The following EPHA6 variants were observed in gnomAD, a reference collection of about 807,000 sequenced individuals.
The protein encoded by EPHA6 is EPH receptor A6.
A neutral mutation model predicts 112.0 loss-of-function variants in EPHA6; 50 were observed. The ratio of observed to expected loss-of-function variants is 0.45; its 90% CI spans 0.36 to 0.56. The LOEUF is 0.56. EPHA6 is among the 20% of genes least tolerant of loss of function. The probability of loss-of-function intolerance (pLI) is 0.00; values close to 1 mark genes in which losing one functional copy is unlikely to be tolerated. For missense variants in EPHA6, 1,280 were observed against 1,417.4 expected (o/e 0.90, Z 1.56); for synonymous variants, 529 against 490.7 (o/e 1.08, Z -1.03).
intron 14 of EPHA6, among the ~76,000 whole-genome samples, chr3:97,683,545 T>A (rs1340419738): frequency 6.6e-6 from 1 of 152,136 alleles, no homozygotes; most frequent in Non-Finnish European, 1.5e-5. Context: ...AACCTTACAA[T>A]TTTACAGAGA....
At chr3:96,836,268 G>C (rs899771206) in intron 1 of EPHA6, among the ~76,000 whole-genome samples, 1 of 151,970 alleles carries the variant, frequency 6.6e-6, no homozygotes, top group Non-Finnish European at 1.5e-5. Context: ...TTGCTACCAT[G>C]GGGAAACATA....
At chr3:97,644,690 G>C (rs2094041839) in intron 14 of EPHA6, among the ~76,000 whole-genome samples, 1 of 150,154 alleles carries the variant, frequency 6.7e-6, no homozygotes, top group Admixed American at 6.6e-5. Context: ...AAATCTAGAA[G>C]AAATGGATAA....
At chr3:97,521,612 T>A (rs2092544374) in intron 10 of EPHA6, among the ~76,000 whole-genome samples, 1 of 152,170 alleles carries the variant, frequency 6.6e-6, no homozygotes, top group African/African-American at 2.4e-5. Context: ...CCCCCATTAT[T>A]CAATTACCTC....
chr3:97,301,933 G>C (rs950142152), intron 5 of EPHA6, among the ~76,000 whole-genome samples: 10 of 152,056 alleles, frequency 6.6e-5, no homozygotes, highest in Non-Finnish European at 1.2e-4. Context: ...ACCTAGCAGA[G>C]AAAGGGCTTA....
chr3:97,344,542 G>A (rs2083448497), intron 5 of EPHA6, among the ~76,000 whole-genome samples: 1 of 152,098 alleles, frequency 6.6e-6, no homozygotes, highest in Non-Finnish European at 1.5e-5. Flanking sequence ...AAACCAGGAA[G>A]AGCATTCTTA....
chr3:97,682,722 G>GTATA (rs2031958535), intron 14 of EPHA6, among the ~76,000 whole-genome samples: 3 of 152,180 alleles, frequency 2.0e-5, no homozygotes, highest in Middle Eastern at 3.2e-3. Flanking sequence ...ACCGTGCACA[G>GTATA]TATATATGTC....
intron 14 of EPHA6, among the ~76,000 whole-genome samples, chr3:97,653,945 T>C (rs1270586161): frequency 2.0e-5 from 3 of 151,898 alleles, no homozygotes; most frequent in African/African-American, 4.8e-5. Flanking sequence ...AATAGTCTCA[T>C]AGAAGCAGAG....
chr3:97,018,255 G>C (rs2044332718), intron 3 of EPHA6, among the ~76,000 whole-genome samples: 1 of 151,860 alleles, frequency 6.6e-6, no homozygotes, highest in African/African-American at 2.4e-5. Flanking sequence ...CGCTTTATGT[G>C]TAGGGACCAG....
chr3:97,735,990 C>G lies in EPHA6; in HGVS notation c.3000C>G (p.His1000Gln), dbSNP rs761026433. 6.2e-7 allele frequency: 1 copy of G among 1,612,508 alleles called. No individual in the cohort carries two copies. The highest frequency in any genetic ancestry group is 8.5e-7 in the Non-Finnish European group (1 of 1,179,136). ...CCATGGGCTGTCCAGCATCTCTACA[C>G]CAGCTGATGCTCCACTGCTGGCAGA... ...PAPMGCPASL[H>Q]QLMLHCWQKE... is the part of the protein sequence containing the mutation. Residue 1000 changes from histidine (H) to glutamine (Q), a missense_variant, in exon 16 of 18, where the codon CAC becomes CAG. Transcript: ENST00000389672.
chr3:97,224,164 G>A (rs778431689), intron 3 of EPHA6, among the ~76,000 whole-genome samples: 10 of 152,110 alleles, frequency 6.6e-5, no homozygotes, highest in Non-Finnish European at 1.0e-4. Context: ...TTTCTTTTTA[G>A]TATTTTAATG....
chr3:96,866,972 C>T, intron 2 of EPHA6, 83 bp downstream of exon 2: 1 of 739,452 alleles, frequency 1.4e-6, no homozygotes, highest in Non-Finnish European at 2.1e-6. Flanking sequence ...GAATTTTGGG[C>T]CCTACTTGTT....
intron 2 of EPHA6, among the ~76,000 whole-genome samples, chr3:96,880,488 A>G (rs2037247469): frequency 6.6e-6 from 1 of 152,206 alleles, no homozygotes; most frequent in Non-Finnish European, 1.5e-5. Context: ...TGTAAATGTA[A>G]TGAAAGGAAA....
chr3:97,361,606 G>A (rs2084377753), intron 5 of EPHA6, among the ~76,000 whole-genome samples: 1 of 152,184 alleles, frequency 6.6e-6, no homozygotes, highest in Admixed American at 6.5e-5. Context: ...AGAGTATCAA[G>A]GTAGTGCAGG....
intron 3 of EPHA6, among the ~76,000 whole-genome samples, chr3:97,209,419 GTGACCT>G (rs1465847142): frequency 6.6e-6 from 1 of 152,086 alleles, no homozygotes; most frequent in Non-Finnish European, 1.5e-5. Context: ...TATCATCTCT[GTGACCT>G]TCAGCAACTG....
chr3:97,679,232 C>A (rs1002493103), intron 14 of EPHA6, among the ~76,000 whole-genome samples: 1 of 152,078 alleles, frequency 6.6e-6, no homozygotes, highest in Non-Finnish European at 1.5e-5. Context: ...CCCATAGTTG[C>A]TAAGAGTTTA....
chr3:96,948,298 C>A (rs1466032342), intron 2 of EPHA6, among the ~76,000 whole-genome samples: 2 of 152,098 alleles, frequency 1.3e-5, no homozygotes, highest in African/African-American at 2.4e-5. Context: ...AAATTTCTAT[C>A]ATTTCTTGTC....
rs561448366 is a variant in EPHA6 at position 97,709,185 on chromosome 3, C to T, written c.2785-11076C>T. On this transcript the variant is annotated intron_variant, in intron 14 of 17. Transcript: ENST00000389672. The stretch of plus-strand genomic sequence containing the variant: ...AAAAAAAAAAAAAGCCACAGGCACT[C>T]AACGCCAGCCTGTGAAAGCAGCCAA... 4.0e-5 allele frequency among the ~76,000 whole-genome samples: 6 copies of T among 150,338 alleles called. No individual in the cohort carries two copies. In the South Asian group the frequency reaches 1.3e-3, roughly 32 times the overall value.
At chr3:97,701,642 T>C (rs2033399018) in intron 14 of EPHA6, among the ~76,000 whole-genome samples, 1 of 151,502 alleles carries the variant, frequency 6.6e-6, no homozygotes, top group African/African-American at 2.4e-5. Context: ...ATAATATCAT[T>C]TCAAATAGTA....
intron 3 of EPHA6, among the ~76,000 whole-genome samples, chr3:97,060,686 C>T (rs1348624696): frequency 2.6e-5 from 4 of 151,622 alleles, no homozygotes; most frequent in Non-Finnish European, 5.9e-5. Flanking sequence ...CCGAGGCGGG[C>T]AGATCACGAG....
Sources: gnomAD v4.1 joint callset for allele counts (sites outside exome capture counted in the v4.1 genomes callset) on GRCh38, gnomAD v4.1.1 for gene constraint, MANE v1.5 for transcripts, NCBI Gene and HGNC (gene_info 2026-07-23, HGNC 2026-07-21) for gene names.